The following TTC7B variants were observed in gnomAD, a reference collection of about 807,000 sequenced individuals.
TTC7B encodes the protein tetratricopeptide repeat domain 7B.
Under a neutral mutation model 106.8 loss-of-function variants are expected in TTC7B, and 28 were observed. The ratio of observed to expected loss-of-function variants is 0.26; its 90% CI spans 0.19 to 0.36. The LOEUF is 0.36. Among genes scored for constraint, TTC7B ranks in the 10% least tolerant of loss-of-function variants. The pLI is 1.00. For missense variants in TTC7B, 862 were observed against 1,076.4 expected (o/e 0.80, Z 2.79); for synonymous variants, 405 against 430.6 (o/e 0.94, Z 0.74).
rs374263106 is a variant in TTC7B at position 90,605,684 on chromosome 14, G to T, written c.1966+5058C>A. On this transcript the variant is annotated intron_variant, in intron 17 of 19. Transcript: ENST00000328459. Reference sequence around the variant, plus strand: ...AAGGTATCGGGTTTGGGAGAATGAAGATGAGAAGACACAAACAGGTGGAGA... The same window carrying T: ...AAGGTATCGGGTTTGGGAGAATGAATATGAGAAGACACAAACAGGTGGAGA... The T allele has an allele frequency of 3.1e-6, 4 of 1,288,986 alleles. No homozygotes were observed. The African/African-American group carries it at 6.1e-5, about 20-fold the overall frequency. The allele number at this position is 1,288,986 out of a possible 1,614,324, so 79.8% of individuals were successfully genotyped here.
chr14:90,761,082 A>G (rs1890483920), intron 3 of TTC7B, among the ~76,000 whole-genome samples: 1 of 152,158 alleles, frequency 6.6e-6, no homozygotes, highest in Admixed American at 6.5e-5. Context: ...CCCCCAAACT[A>G]TGGTATTCCT....
At chr14:90,603,929 A>T (rs1410152197) in intron 17 of TTC7B, among the ~76,000 whole-genome samples, 1 of 152,156 alleles carries the variant, frequency 6.6e-6, no homozygotes, top group South Asian at 2.1e-4. Context: ...CTCCCTGAGG[A>T]TGGAAAGATG....
chr14:90,768,359 A>G (rs545890800), intron 3 of TTC7B, among the ~76,000 whole-genome samples: 1 of 151,258 alleles, frequency 6.6e-6, no homozygotes, highest in African/African-American at 2.4e-5. Flanking sequence ...GCAGTGGGGG[A>G]GAGAGAGAGA....
Position 90,591,344 on chromosome 14 carries a change from G to A in TTC7B, c.2107+2142C>T, listed in dbSNP as rs1007326445. The stretch of plus-strand genomic sequence containing the variant: ...CCAAAGAGTGAGACTCCAACCCCCC[G>A]AAAAAATAAAATGAAAGGATAGCTC... On this transcript the variant is annotated intron_variant, in intron 18 of 19. Transcript: ENST00000328459. Among the ~76,000 whole-genome samples the A allele has an allele frequency of 2.0e-5, 3 of 151,970 alleles. No individual in the cohort carries two copies. In the East Asian group the frequency reaches 5.8e-4, roughly 29 times the overall value.
chr14:90,609,296 C>T (rs1892781252), intron 17 of TTC7B, among the ~76,000 whole-genome samples: 2 of 152,304 alleles, frequency 1.3e-5, no homozygotes, highest in Middle Eastern at 3.4e-3. Context: ...TTAAACTGCA[C>T]CAATTTACGA....
At chr14:90,755,582 C>T (rs1358417984) in intron 3 of TTC7B, among the ~76,000 whole-genome samples, 1 of 151,970 alleles carries the variant, frequency 6.6e-6, no homozygotes, top group East Asian at 1.9e-4. Context: ...TCACTTGAGC[C>T]CAGGAGTTCA....
chr14:90,698,166 A>G (rs1229554663), intron 5 of TTC7B: 2 of 152,240 alleles, frequency 1.3e-5, no homozygotes, highest in African/African-American at 4.8e-5. Flanking sequence ...AAATCACATA[A>G]TCATAATTTT....
Position 90,608,647 on chromosome 14 carries a change from A to G in TTC7B, c.1966+2095T>C, listed in dbSNP as rs1892751884. On this transcript the variant is annotated intron_variant, in intron 17 of 19. Transcript: ENST00000328459. The surrounding 1 kb of genome is among the most constrained non-coding windows in gnomAD (Gnocchi z 5.1). ...GGGCCAGGCCCAACCCAGGGCAGTG[A>G]CACCGCAGACTGTGTCACACAGGCA... is the stretch of plus-strand genomic sequence containing the variant. 1.3e-5 allele frequency among the ~76,000 whole-genome samples: 2 copies of G among 152,158 alleles called. No homozygotes were observed. The highest frequency in any genetic ancestry group is 4.8e-5 in the African/African-American group (2 of 41,442).
intron 5 of TTC7B, among the ~76,000 whole-genome samples, chr14:90,724,019 C>T (rs1888992597): frequency 6.6e-6 from 1 of 152,176 alleles, no homozygotes; most frequent in African/African-American, 2.4e-5. Context: ...GGTCTCATAT[C>T]CTGTAGAATA....
intron 18 of TTC7B, among the ~76,000 whole-genome samples, chr14:90,582,624 C>G (rs1370615685): frequency 6.6e-6 from 1 of 152,230 alleles, no homozygotes; most frequent in Admixed American, 6.5e-5. Context: ...TCAGTCAAGC[C>G]TAAGCTCTCT....
intron 5 of TTC7B, among the ~76,000 whole-genome samples, chr14:90,706,008 G>A (rs2139960681): frequency 6.6e-6 from 1 of 152,184 alleles, no homozygotes; most frequent in African/African-American, 2.4e-5. Context: ...TCAATTCAGG[G>A]TCGATCCCTT....
intron 6 of TTC7B, among the ~76,000 whole-genome samples, chr14:90,695,018 A>AAT (rs374663684): frequency 0.047 from 2,356 of 50,014 alleles, 325 homozygotes; most frequent in East Asian, 0.11. Flanking sequence ...ATTTATTATA[A>AAT]ATATATGTAT....
At chr14:90,652,932 G>C (rs751729898) in intron 12 of TTC7B, 34 bp from the exon 13 acceptor site, 1 of 1,610,792 alleles carries the variant, frequency 6.2e-7, no homozygotes, top group Non-Finnish European at 8.5e-7. Context: ...AGTGGCATGG[G>C]GGATCAGGGA....
At chr14:90,567,412 G>T (rs898538440) in intron 19 of TTC7B, 1 of 152,224 alleles carries the variant, frequency 6.6e-6, no homozygotes, top group South Asian at 2.1e-4. Flanking sequence ...AGTGGAGAGC[G>T]AAAGAGAAAG....
chr14:90,565,442 G>A (rs1262118544), intron 19 of TTC7B, among the ~76,000 whole-genome samples: 5 of 118,032 alleles, frequency 4.2e-5, no homozygotes, highest in Non-Finnish European at 8.0e-5. Flanking sequence ...TTGCTCTGTT[G>A]CCAGGCTAGA....
chr14:90,595,448 T>C (rs1345833262), intron 17 of TTC7B, among the ~76,000 whole-genome samples: 1 of 152,250 alleles, frequency 6.6e-6, no homozygotes, highest in African/African-American at 2.4e-5. Flanking sequence ...AGACAAAGTA[T>C]GTCTAACTAC....
intron 19 of TTC7B, among the ~76,000 whole-genome samples, chr14:90,565,791 C>T (rs566918103): frequency 6.6e-6 from 1 of 152,140 alleles, no homozygotes. Flanking sequence ...ATTAATGATC[C>T]TCATTTCAAT....
chr14:90,571,645 T>C (rs761584613), intron 19 of TTC7B, among the ~76,000 whole-genome samples: 30 of 152,224 alleles, frequency 2.0e-4, no homozygotes, highest in Non-Finnish European at 3.5e-4. Flanking sequence ...ATTCTTTCTA[T>C]GTATGGAAAG....
chr14:90,580,111 C>T lies in TTC7B; in HGVS notation c.2108-1803G>A, dbSNP rs142382783. On this transcript the variant is annotated intron_variant, in intron 18 of 19. Coordinates refer to ENST00000328459, the MANE Select transcript of TTC7B (RefSeq NM_001010854.2). Reference sequence around the variant, plus strand: ...GGCCCTGTGCTCTGATTTTCTGCACCCACCGGAATATGGGCTGTAAGCGAC... The same window carrying T: ...GGCCCTGTGCTCTGATTTTCTGCACTCACCGGAATATGGGCTGTAAGCGAC... Among the ~76,000 whole-genome samples, 16 of 152,336 alleles carry T rather than the reference C, an allele frequency of 1.1e-4. No homozygotes were observed. The East Asian group carries it at 3.1e-3, about 29-fold the overall frequency.
Sources: gnomAD v4.1 joint callset for allele counts (sites outside exome capture counted in the v4.1 genomes callset) on GRCh38, gnomAD v4.1.1 for gene constraint, Gnocchi (gnomAD v3.1) non-coding constraint, MANE v1.5 for transcripts, NCBI Gene and HGNC (gene_info 2026-07-23, HGNC 2026-07-21) for gene names.